SKAP1: variants seen among roughly 807,000 people sequenced by gnomAD.
SKAP1 encodes src kinase associated phosphoprotein 1, also known as src kinase-associated phosphoprotein 1.
In SKAP1, 44 loss-of-function variants were observed where a neutral mutation model predicts 58.5. The ratio of observed to expected loss-of-function variants is 0.75; its 90% CI spans 0.59 to 0.97. The LOEUF (loss-of-function observed/expected upper bound fraction) is 0.97, where lower values mean the gene tolerates loss of function less well. Among genes scored for constraint, SKAP1 ranks in the 50% least tolerant of loss-of-function variants. SKAP1 has a pLI of 0.00. For missense variants in SKAP1, 390 were observed against 435.2 expected (o/e 0.90, Z 0.92); for synonymous variants, 127 against 149.7 (o/e 0.85, Z 1.11).
chr17:48,150,230 T>G (rs756515765), intron 11 of SKAP1, among the ~76,000 whole-genome samples: 1 of 152,238 alleles, frequency 6.6e-6, no homozygotes, highest in Non-Finnish European at 1.5e-5. Flanking sequence ...AAGGGCTTTT[T>G]TCTTTAAAAA....
Position 48,148,067 on chromosome 17 carries a change from C to G in SKAP1, c.979-10730G>C, listed in dbSNP as rs145065548. ...GTTCTCTAGATGGAGGGTCTCAGAG[C>G]ACTTGAGTGCGAGAGAACATTCAGC... On this transcript the variant is annotated intron_variant, in intron 11 of 12. Transcript: ENST00000336915. Among the ~76,000 whole-genome samples the G allele has an allele frequency of 5.3e-5, 8 of 152,198 alleles. No homozygotes were observed. The East Asian group carries it at 1.5e-3, about 29-fold the overall frequency.
chr17:48,397,241 G>A (rs933037170), intron 1 of SKAP1, among the ~76,000 whole-genome samples: 1 of 152,024 alleles, frequency 6.6e-6, no homozygotes, highest in African/African-American at 2.4e-5. Context: ...TTCTTTTAGG[G>A]GGGGGATGGA....
At chr17:48,269,241 C>G (rs1453969374) in intron 4 of SKAP1, among the ~76,000 whole-genome samples, 1 of 151,892 alleles carries the variant, frequency 6.6e-6, no homozygotes, top group Admixed American at 6.6e-5. Flanking sequence ...GAACAAAACT[C>G]TAGAGAAGAA....
intron 1 of SKAP1, among the ~76,000 whole-genome samples, chr17:48,408,727 GAC>G (rs2144574112): frequency 6.6e-6 from 1 of 152,220 alleles, no homozygotes; most frequent in East Asian, 1.9e-4. Flanking sequence ...ATCTACTAGT[GAC>G]AAAACTGTAG....
At chr17:48,420,746 G>A (rs1380996444) in intron 1 of SKAP1, among the ~76,000 whole-genome samples, 1 of 152,112 alleles carries the variant, frequency 6.6e-6, no homozygotes, top group African/African-American at 2.4e-5. Context: ...AATTGAGAAG[G>A]AAAACATGTC....
At chr17:48,148,452 T>C (rs899710178) in intron 11 of SKAP1, among the ~76,000 whole-genome samples, 3 of 152,196 alleles carry the variant, frequency 2.0e-5, no homozygotes, top group Non-Finnish European at 4.4e-5. Flanking sequence ...TGTGATACCA[T>C]GTGAGACGGG....
chr17:48,324,067 C>G lies in SKAP1; in HGVS notation c.280+21838G>C, dbSNP rs140166700. 4.6e-5 allele frequency among the ~76,000 whole-genome samples: 7 copies of G among 152,098 alleles called. No individual in the cohort carries two copies. The East Asian group carries it at 1.3e-3, about 29-fold the overall frequency. On this transcript the variant is annotated intron_variant, in intron 4 of 12. Transcript: ENST00000336915. ...TGAAAAAACAAAAACAACCAATGAC[C>G]TTTCATTTTAAAAAGTAACATGTTC...
intron 11 of SKAP1, among the ~76,000 whole-genome samples, chr17:48,145,798 A>G (rs1006625605): frequency 2.0e-5 from 3 of 152,194 alleles, no homozygotes; most frequent in Non-Finnish European, 4.4e-5. Context: ...AGTAGCACAG[A>G]CATGACCTGG....
intron 1 of SKAP1, among the ~76,000 whole-genome samples, chr17:48,427,615 A>G (rs539791808): frequency 2.0e-5 from 3 of 151,188 alleles, no homozygotes; most frequent in South Asian, 4.2e-4. Context: ...AATGCTTTAC[A>G]TATTTTATTC....
chr17:48,250,289 T>G (rs998304434), intron 4 of SKAP1, among the ~76,000 whole-genome samples: 13 of 127,988 alleles, frequency 1.0e-4, no homozygotes, highest in Admixed American at 2.2e-4. Flanking sequence ...TTTTTTTTTT[T>G]TTTTTTTTTT....
chr17:48,286,818 G>T (rs892497975), intron 4 of SKAP1, among the ~76,000 whole-genome samples: 13 of 151,998 alleles, frequency 8.6e-5, no homozygotes, highest in Non-Finnish European at 1.9e-4. Flanking sequence ...GATAATTTTC[G>T]CTGGGCGCGG....
chr17:48,330,738 T>C (rs560041401), intron 4 of SKAP1, among the ~76,000 whole-genome samples: 1 of 152,288 alleles, frequency 6.6e-6, no homozygotes, highest in East Asian at 1.9e-4. Flanking sequence ...TGCTATAGTG[T>C]TGTGGGTCCT....
Position 48,239,425 on chromosome 17 carries a change from T to G in SKAP1, c.281-49925A>C, listed in dbSNP as rs533742024. 8.5e-5 allele frequency among the ~76,000 whole-genome samples: 13 copies of G among 152,306 alleles called. No homozygotes were observed. In the East Asian group the frequency reaches 2.3e-3, roughly 27 times the overall value. On this transcript the variant is annotated intron_variant, in intron 4 of 12. Transcript: ENST00000336915. ...TTATTATCACATTCACAGCATGAAG[T>G]TATGAGCTTCCTCACAGCTCCTGCT...
At chr17:48,283,550 A>C (rs1399610570) in intron 4 of SKAP1, among the ~76,000 whole-genome samples, 1 of 152,198 alleles carries the variant, frequency 6.6e-6, no homozygotes, top group African/African-American at 2.4e-5. Context: ...ACCATACAGC[A>C]GAGATCATAT....
chr17:48,360,304 T>C (rs189665145), intron 3 of SKAP1, among the ~76,000 whole-genome samples: 8 of 152,296 alleles, frequency 5.3e-5, no homozygotes, highest in Non-Finnish European at 1.2e-4. Context: ...ATAAACATTA[T>C]ACCTTATAAT....
At chr17:48,157,144 C>T (rs1176607412) in intron 11 of SKAP1, among the ~76,000 whole-genome samples, 1 of 152,104 alleles carries the variant, frequency 6.6e-6, no homozygotes, top group Admixed American at 6.6e-5. Flanking sequence ...GAGATTTTTG[C>T]CCAGGGTCAT....
intron 6 of SKAP1, 50 bp downstream of exon 6, chr17:48,187,793 G>T: frequency 7.7e-7 from 1 of 1,305,486 alleles, no homozygotes; most frequent in Non-Finnish European, 1.1e-6. Flanking sequence ...AATTTACGAA[G>T]TGTTTGCATC....
At chr17:48,213,154 A>G (rs941170611) in intron 4 of SKAP1, among the ~76,000 whole-genome samples, 1 of 151,988 alleles carries the variant, frequency 6.6e-6, no homozygotes, top group African/African-American at 2.4e-5. Context: ...CCAGCCTGAC[A>G]AACATGGAGA....
At chr17:48,314,913 A>G (rs1251213669) in intron 4 of SKAP1, among the ~76,000 whole-genome samples, 4 of 152,196 alleles carry the variant, frequency 2.6e-5, no homozygotes, top group African/African-American at 9.7e-5. Flanking sequence ...AAATCACATC[A>G]TGGATTATAA....
Sources: allele counts gnomAD v4.1 joint callset (sites outside exome capture counted in the v4.1 genomes callset), GRCh38; gene constraint gnomAD v4.1.1; transcripts MANE v1.5; gene names NCBI Gene and HGNC (gene_info 2026-07-23, HGNC 2026-07-21).